Variants in UNC13C observed in about 807,000 individuals in gnomAD.
UNC13C encodes the protein unc-13 homolog C.
Under a neutral mutation model 245.4 loss-of-function variants are expected in UNC13C, and 174 were observed. The ratio of observed to expected loss-of-function variants is 0.71; its 90% CI spans 0.63 to 0.80. The LOEUF (loss-of-function observed/expected upper bound fraction) is 0.80, where lower values mean the gene tolerates loss of function less well. Among genes scored for constraint, UNC13C ranks in the 30% least tolerant of loss-of-function variants. The pLI is 0.00. For missense variants in UNC13C, 2,829 were observed against 2,602.9 expected (o/e 1.09, Z -1.89); for synonymous variants, 992 against 895.1 (o/e 1.11, Z -1.93).
At chr15:53,977,584 A>G (rs867565716), upstream of UNC13C, among the ~76,000 whole-genome samples, 10 of 152,370 alleles carry the variant, frequency 6.6e-5, no homozygotes, top group Admixed American at 2.0e-4. Flanking sequence ...AGTAAGCAGT[A>G]GAGCAGATGT....
chr15:53,857,722 A>T, the UNC13C span, among the ~76,000 whole-genome samples: 1 of 152,228 alleles, frequency 6.6e-6, no homozygotes. Flanking sequence ...GGAGAAAATT[A>T]TGCAGAGAAA....
rs560481741 is a variant in UNC13C at position 54,222,989 on chromosome 15, T to G, written c.3072-12041T>G. ...TTGGGCTCCCTATGTGTATTCTGGTTATTAATCTCTTGTCGCATGGATAGA... is the reference window on the plus strand; with the variant it reads ...TTGGGCTCCCTATGTGTATTCTGGTGATTAATCTCTTGTCGCATGGATAGA... On this transcript the variant is annotated intron_variant, in intron 4 of 32. Transcript: ENST00000260323. Among the ~76,000 whole-genome samples, 4 of 152,114 alleles carry G rather than the reference T, an allele frequency of 2.6e-5. No homozygotes were observed. The South Asian group carries it at 8.3e-4, about 32-fold the overall frequency.
the UNC13C span, among the ~76,000 whole-genome samples, chr15:53,844,442 G>A: frequency 3.9e-5 from 6 of 152,134 alleles, no homozygotes; most frequent in Admixed American, 3.3e-4. Context: ...TTGCTGGGGT[G>A]TGACAAAGGA....
intron 8 of UNC13C, among the ~76,000 whole-genome samples, chr15:54,259,587 C>T (rs879421805): frequency 7.2e-5 from 11 of 152,312 alleles, no homozygotes; most frequent in African/African-American, 1.2e-4. Context: ...TCCCACAATA[C>T]GTGGGAATTA....
At chr15:54,410,759 G>A (rs765691055) in intron 18 of UNC13C, among the ~76,000 whole-genome samples, 99 of 152,000 alleles carry the variant, frequency 6.5e-4, no homozygotes, top group Non-Finnish European at 1.3e-3. Flanking sequence ...GGTTACTGCA[G>A]CCTTGTAGTA....
At chr15:53,869,591 G>A in the UNC13C span, among the ~76,000 whole-genome samples, 14 of 151,784 alleles carry the variant, frequency 9.2e-5, no homozygotes, top group South Asian at 2.1e-4. Context: ...TCTTACATGC[G>A]GGGGCTGTCC....
chr15:53,928,969 A>T, the UNC13C span, among the ~76,000 whole-genome samples: 2 of 152,328 alleles, frequency 1.3e-5, no homozygotes, highest in East Asian at 3.9e-4. Flanking sequence ...AAAGGATCAT[A>T]CTTAGTGTTT....
chr15:54,353,993 T>C (rs2039039796), intron 17 of UNC13C, among the ~76,000 whole-genome samples: 1 of 152,240 alleles, frequency 6.6e-6, no homozygotes, highest in Non-Finnish European at 1.5e-5. Context: ...GAAGAATTGG[T>C]TGTCCTGCCT....
intron 17 of UNC13C, among the ~76,000 whole-genome samples, chr15:54,339,293 T>TG (rs1218017021): frequency 2.0e-5 from 3 of 152,212 alleles, no homozygotes; most frequent in Non-Finnish European, 4.4e-5. Context: ...CATAGGTTTT[T>TG]GGGGAACAAG....
the UNC13C span, among the ~76,000 whole-genome samples, chr15:53,876,654 G>T: frequency 2.6e-5 from 4 of 151,652 alleles, no homozygotes; most frequent in East Asian, 1.9e-4. Flanking sequence ...ACTTTTTTTT[G>T]AAAAGTCTGC....
At chr15:54,322,920 G>A (rs963894694) in intron 14 of UNC13C, among the ~76,000 whole-genome samples, 2 of 151,858 alleles carry the variant, frequency 1.3e-5, no homozygotes, top group Non-Finnish European at 2.9e-5. Flanking sequence ...AGGAGAAGAT[G>A]CCTGGAAATA....
intron 4 of UNC13C, among the ~76,000 whole-genome samples, chr15:54,145,202 T>C (rs2032202305): frequency 6.6e-6 from 1 of 152,086 alleles, no homozygotes; most frequent in African/African-American, 2.4e-5. Flanking sequence ...TTTAGAGGCA[T>C]GTTTTAGTTT....
At chr15:54,408,311 G>A (rs935288387) in intron 18 of UNC13C, among the ~76,000 whole-genome samples, 8 of 145,848 alleles carry the variant, frequency 5.5e-5, no homozygotes, top group Non-Finnish European at 8.9e-5. Flanking sequence ...AATCTCTAAC[G>A]TTACTAAGTC....
intron 17 of UNC13C, among the ~76,000 whole-genome samples, chr15:54,348,065 C>T (rs1354921281): frequency 6.6e-6 from 1 of 152,090 alleles, no homozygotes; most frequent in East Asian, 1.9e-4. Flanking sequence ...TTTTAAAGCT[C>T]AATATTAATT....
At chr15:54,552,805 G>GTATAATATAATTATGTATTCTATAT (rs1896874023) in intron 28 of UNC13C, among the ~76,000 whole-genome samples, 1 of 18,914 alleles carries the variant, frequency 5.3e-5, no homozygotes, top group Non-Finnish European at 9.7e-5. Flanking sequence ...ATATTATATA[G>GTATAATATAATTATGTATTCTATAT]TACAATATAA....
the UNC13C span, among the ~76,000 whole-genome samples, chr15:53,865,152 T>C: frequency 2.0e-5 from 3 of 152,242 alleles, no homozygotes; most frequent in Non-Finnish European, 4.4e-5. Flanking sequence ...ATTTAAGTAC[T>C]GAGAAACATT....
Position 54,015,126 on chromosome 15 carries a change from T to A in UNC13C, c.2223T>A (p.Tyr741Ter). 6.2e-7 allele frequency: 1 copy of A among 1,612,574 alleles called. No individual in the cohort carries two copies. Among genetic ancestry groups the A allele is most frequent in the Non-Finnish European group, 8.5e-7 (1 of 1,179,288 alleles). ...QGQWVGQYDS[Y>*]QGANSNELYQ... ...AGTGGGTTGGCCAATATGATTCTTA[T>A]CAGGGAGCTAATTCTAATGAGCTAT... The change falls in exon 2 of 33, where the codon TAT (tyrosine) becomes TAA (stop). Residue 741 changes from tyrosine (Y) to a stop codon, truncating the protein, a stop_gained. Transcript: ENST00000260323. LOFTEE classifies it high-confidence loss of function.
At chr15:54,069,011 A>G (rs1172514304) in intron 2 of UNC13C, among the ~76,000 whole-genome samples, 1 of 152,214 alleles carries the variant, frequency 6.6e-6, no homozygotes, top group Non-Finnish European at 1.5e-5. Context: ...CACATCTTAA[A>G]TAATTCTAGG....
intron 17 of UNC13C, among the ~76,000 whole-genome samples, chr15:54,350,116 C>T (rs1038788163): frequency 6.6e-6 from 1 of 152,088 alleles, no homozygotes; most frequent in Non-Finnish European, 1.5e-5. Context: ...CTCAGCCTCC[C>T]AAGTAACTGG....
Sources: allele counts gnomAD v4.1 joint callset (sites outside exome capture counted in the v4.1 genomes callset), GRCh38; gene constraint gnomAD v4.1.1; transcripts MANE v1.5; gene names NCBI Gene and HGNC (gene_info 2026-07-23, HGNC 2026-07-21).